Variants in DESI2 observed in about 807,000 individuals in gnomAD.
The protein encoded by DESI2 is desumoylating isopeptidase 2, also known as deubiquitinase DESI2.
DESI2 carries 10 observed loss-of-function variants against 24.1 expected under a neutral mutation model. The ratio of observed to expected loss-of-function variants is 0.41; its 90% CI spans 0.26 to 0.70. The LOEUF is 0.70. DESI2 is among the 30% of genes least tolerant of loss of function. The probability of loss-of-function intolerance (pLI) is 0.29; values close to 1 mark genes in which losing one functional copy is unlikely to be tolerated. For missense variants in DESI2, 122 were observed against 234.9 expected, an observed-to-expected ratio of 0.52 and a Z score of 3.14; for synonymous variants, 71 against 87.7, an observed-to-expected ratio of 0.81 and a Z score of 1.06.
intron 1 of DESI2, among the ~76,000 whole-genome samples, chr1:244,681,584 C>A (rs1676615958): frequency 6.6e-6 from 1 of 152,194 alleles, no homozygotes; most frequent in African/African-American, 2.4e-5. Context: ...CAACCTAGAT[C>A]TCTTGCATCC....
chr1:244,660,319 C>T (rs1302072367), intron 1 of DESI2, among the ~76,000 whole-genome samples: 1 of 152,156 alleles, frequency 6.6e-6, no homozygotes. Flanking sequence ...GCGTGCGCCA[C>T]CATGCCCAGC....
intron 1 of DESI2, among the ~76,000 whole-genome samples, chr1:244,682,543 TA>T (rs1676654856): frequency 6.6e-6 from 1 of 152,244 alleles, no homozygotes; most frequent in Non-Finnish European, 1.5e-5. Context: ...ACTATTTTCA[TA>T]ATTTTCTGGT....
intron 1 of DESI2, among the ~76,000 whole-genome samples, chr1:244,673,590 A>G (rs1367176997): frequency 1.3e-5 from 2 of 152,202 alleles, no homozygotes; most frequent in South Asian, 4.1e-4. Context: ...TTGATTGGGT[A>G]TAGAGAGTTC....
chr1:244,698,246 G>T (rs936695893), intron 4 of DESI2, among the ~76,000 whole-genome samples: 6 of 152,246 alleles, frequency 3.9e-5, no homozygotes, highest in South Asian at 4.1e-4. Context: ...CTGTAGGATA[G>T]ACGGAAATTT....
chr1:244,673,738 C>T (rs1239755918), intron 1 of DESI2, among the ~76,000 whole-genome samples: 2 of 151,894 alleles, frequency 1.3e-5, no homozygotes, highest in East Asian at 3.9e-4. Context: ...TGGACCATGT[C>T]TAATAATAAA....
chr1:244,680,948 C>CTTT (rs34557918), intron 1 of DESI2, among the ~76,000 whole-genome samples: 2 of 141,154 alleles, frequency 1.4e-5, no homozygotes. Flanking sequence ...CCTCCTTTTA[C>CTTT]TTTTTTTTTT....
rs535094753 is a variant in DESI2, at chr1:244,662,883, CAA to C, written c.42+9529_42+9530del. ...TGTTAAGTAAATGTACAGCAAGAAA[CAA>C]GAGAAGTTTTTAAGGAATTGTTGAT... On this transcript the variant is annotated intron_variant, in intron 1 of 4. Coordinates refer to ENST00000302550, the MANE Select transcript of DESI2 (RefSeq NM_016076.5). 2.7e-3 allele frequency among the ~76,000 whole-genome samples: 418 copies of C among 152,156 alleles called. 3 individuals are homozygous for C. Among genetic ancestry groups the C allele is most frequent in the Middle Eastern group, 6.8e-3 (2 of 294 alleles).
At chr1:244,685,566 G>A (rs986268384) in intron 1 of DESI2, among the ~76,000 whole-genome samples, 5 of 151,710 alleles carry the variant, frequency 3.3e-5, no homozygotes, top group South Asian at 2.1e-4. Flanking sequence ...TTTTATCCAC[G>A]CTCGGCCCCA....
chr1:244,653,405 C>T, intron 1 of DESI2, 50 bp downstream of exon 1: 1 of 1,529,832 alleles, frequency 6.5e-7, no homozygotes, highest in Non-Finnish European at 8.7e-7. Flanking sequence ...CCGGCTTCCT[C>T]TCGCCCGTGG....
intron 1 of DESI2, among the ~76,000 whole-genome samples, chr1:244,677,662 C>A (rs928077936): frequency 1.3e-5 from 2 of 152,160 alleles, no homozygotes; most frequent in African/African-American, 4.8e-5. Flanking sequence ...CACCTGTAAT[C>A]CCAGCACTTG....
intron 1 of DESI2, among the ~76,000 whole-genome samples, chr1:244,654,386 A>G (rs1197056087): frequency 6.6e-6 from 1 of 152,230 alleles, no homozygotes. Flanking sequence ...ACAGGCCAAG[A>G]GTCTTATACA....
At chr1:244,669,723 G>A (rs547544857) in intron 1 of DESI2, among the ~76,000 whole-genome samples, 4 of 152,116 alleles carry the variant, frequency 2.6e-5, no homozygotes, top group Non-Finnish European at 5.9e-5. Flanking sequence ...ACTGGATGGT[G>A]TCAGAGGAGG....
intron 4 of DESI2, among the ~76,000 whole-genome samples, chr1:244,704,643 GGTC>G (rs750152280): frequency 1.3e-5 from 2 of 150,604 alleles, no homozygotes; most frequent in Non-Finnish European, 2.9e-5. Flanking sequence ...CACAGAGCCA[GGTC>G]GTCATCTGGG....
At chr1:244,686,264 G>A (rs780165031) in intron 1 of DESI2, among the ~76,000 whole-genome samples, 4 of 145,470 alleles carry the variant, frequency 2.7e-5, no homozygotes, top group Non-Finnish European at 6.0e-5. Flanking sequence ...GTGTGTGTGT[G>A]TATGTGTGTG....
chr1:244,653,199 C>G lies in DESI2; in HGVS notation c.-115C>G, dbSNP rs911914661. ...TCCGCCCCGGCTGCCGCGGGCCGGG[C>G]TGTACGCTTAGTGCCCGGCTCAGGC... is the stretch of plus-strand genomic sequence containing the variant. On this transcript the variant is annotated 5_prime_UTR_variant, in exon 1 of 5. Coordinates refer to ENST00000302550, the MANE Select transcript of DESI2 (RefSeq NM_016076.5). 7 of 1,114,636 alleles carry G rather than the reference C, an allele frequency of 6.3e-6. No individual in the cohort carries two copies. The African/African-American group carries it at 1.1e-4, about 18-fold the overall frequency. The allele number at this position is 1,114,636 out of a possible 1,614,324, so 69.0% of individuals were successfully genotyped here.
chr1:244,703,606 C>T (rs963263313), intron 4 of DESI2, among the ~76,000 whole-genome samples: 32 of 151,372 alleles, frequency 2.1e-4, no homozygotes, highest in African/African-American at 7.8e-4. Context: ...CTGCCTTGGA[C>T]TTCCAAAGTA....
chr1:244,657,362 ACTT>A (rs1675683899), intron 1 of DESI2, among the ~76,000 whole-genome samples: 1 of 152,154 alleles, frequency 6.6e-6, no homozygotes, highest in African/African-American at 2.4e-5. Flanking sequence ...CCAGGAACAA[ACTT>A]CTTCCCTTTC....
Position 244,689,075 on chromosome 1 carries a change from T to C in DESI2, c.116-174T>C, listed in dbSNP as rs1470731135. 1.3e-5 allele frequency among the ~76,000 whole-genome samples: 2 copies of C among 152,212 alleles called. No individual in the cohort carries two copies. The highest frequency in any genetic ancestry group is 2.9e-5 in the Non-Finnish European group (2 of 68,036). On this transcript the variant is annotated intron_variant, in intron 2 of 4. Transcript: ENST00000302550. The surrounding 1 kb of genome is among the most constrained non-coding windows in gnomAD (Gnocchi z 4.0). ...CTTCTGTTATTTGAGTTTCGGGTCT[T>C]TTGTGACAACTGTTTATACGAGTAA...
intron 1 of DESI2, among the ~76,000 whole-genome samples, chr1:244,680,381 G>C (rs141357348): frequency 0.033 from 5,041 of 151,700 alleles, 105 homozygotes; most frequent in Non-Finnish European, 0.05. Flanking sequence ...AGTGAACCGA[G>C]ATCAGGCCAC....
Sources: allele counts gnomAD v4.1 joint callset (sites outside exome capture counted in the v4.1 genomes callset), GRCh38; gene constraint gnomAD v4.1.1; non-coding constraint Gnocchi (gnomAD v3.1); transcripts MANE v1.5; gene names NCBI Gene and HGNC (gene_info 2026-07-23, HGNC 2026-07-21).